Variants in CEP350 observed in about 807,000 individuals in gnomAD.
CEP350 encodes centrosomal protein 350, also known as centrosome-associated protein 350.
In CEP350, 126 loss-of-function variants were observed where a neutral mutation model predicts 331.8. That is an observed-to-expected ratio of 0.38 (90% confidence interval 0.33 to 0.44). The LOEUF (loss-of-function observed/expected upper bound fraction) is 0.44. CEP350 is among the 20% of genes least tolerant of loss of function. CEP350 has a pLI of 1.00. For synonymous variants in CEP350, 1,200 were observed against 1,259.5 expected (o/e 0.95, Z 1.00); for missense variants, 3,406 against 3,634.6 (o/e 0.94, Z 1.62).
At chr1:180,081,113 C>A (rs578131775) in intron 30 of CEP350, among the ~76,000 whole-genome samples, 14 of 152,214 alleles carry the variant, frequency 9.2e-5, no homozygotes, top group African/African-American at 3.4e-4. Context: ...GGTGATCCAC[C>A]CGTCTCGGCC....
intron 27 of CEP350, among the ~76,000 whole-genome samples, chr1:180,069,956 T>C (rs1483578737): frequency 1.3e-5 from 2 of 152,230 alleles, no homozygotes; most frequent in Non-Finnish European, 2.9e-5. Context: ...TAGCATTGCA[T>C]AAGGATTCAC....
At chr1:180,003,924 T>C (rs1380716339) in intron 7 of CEP350, among the ~76,000 whole-genome samples, 1 of 152,140 alleles carries the variant, frequency 6.6e-6, no homozygotes, top group Non-Finnish European at 1.5e-5. Context: ...CCCACTCTGA[T>C]TCTAAAGTGT....
chr1:180,001,217 C>G (rs1178675374), intron 6 of CEP350, among the ~76,000 whole-genome samples: 1 of 152,042 alleles, frequency 6.6e-6, no homozygotes, highest in Non-Finnish European at 1.5e-5. Context: ...TTGTTTTTGA[C>G]AAAACAAAGT....
chr1:180,089,854 C>T (rs965145027), intron 32 of CEP350, among the ~76,000 whole-genome samples: 8 of 152,050 alleles, frequency 5.3e-5, no homozygotes, highest in Non-Finnish European at 7.4e-5. Flanking sequence ...CATAAATCAC[C>T]CAGAGGAGAT....
In CEP350 at chr1:179,954,915, C is replaced by CG; in HGVS notation, c.-235dup. ...GAGAGAACTGCAGGGAGCCGCAGCT[C>CG]GGGGGGTGGCTTGCCCTGAGGGAGG... On this transcript the variant is annotated 5_prime_UTR_variant, in exon 1 of 38. Coordinates refer to ENST00000367607, the MANE Select transcript of CEP350 (RefSeq NM_014810.5). The CG allele has an allele frequency of 3.0e-6, 2 of 672,628 alleles. No homozygotes were observed. The allele number at this position is 672,628 out of a possible 1,614,324, so 41.7% of individuals were successfully genotyped here.
intron 22 of CEP350, among the ~76,000 whole-genome samples, chr1:180,051,797 T>C (rs1253796508): frequency 6.6e-6 from 1 of 152,216 alleles, no homozygotes; most frequent in Non-Finnish European, 1.5e-5. Flanking sequence ...ACTATTAATA[T>C]AAGCCTAATA....
intron 25 of CEP350, among the ~76,000 whole-genome samples, chr1:180,054,867 A>C (rs975372802): frequency 2.6e-5 from 4 of 152,208 alleles, no homozygotes; most frequent in Non-Finnish European, 4.4e-5. Context: ...ATGACATATT[A>C]ATTACATATT....
chr1:180,077,714 T>G (rs1300027207), intron 28 of CEP350, among the ~76,000 whole-genome samples: 2 of 149,770 alleles, frequency 1.3e-5, no homozygotes, highest in Admixed American at 1.3e-4. Context: ...GGAACATTAT[T>G]CCATATTCAC....
At chr1:180,032,902 CTG>C (rs1466094534) in intron 15 of CEP350, among the ~76,000 whole-genome samples, 1 of 151,918 alleles carries the variant, frequency 6.6e-6, no homozygotes, top group Non-Finnish European at 1.5e-5. Context: ...ATGAAATAGA[CTG>C]TTAGAAATAG....
chr1:179,987,129 G>A (rs1352464326), intron 2 of CEP350, 111 bp from the exon 3 acceptor site: 1 of 613,030 alleles, frequency 1.6e-6, no homozygotes, highest in Admixed American at 3.2e-5. Context: ...TGCCTAATAA[G>A]GTAGTTTTCA....
chr1:180,093,484 C>A lies in CEP350; in HGVS notation c.7379C>A (p.Ser2460Tyr), dbSNP rs867877495. 6.2e-7 allele frequency: 1 copy of A among 1,610,448 alleles called. No individual in the cohort carries two copies. Among genetic ancestry groups the A allele is most frequent in the Non-Finnish European group, 8.5e-7 (1 of 1,178,030 alleles). The stretch of plus-strand genomic sequence containing the variant: ...TCTGACAGGCTGTTGGAACTCAAGT[C>A]CCCTACTGAGCTGATGAAAAGTAAG... ...VHSDRLLELK[S>Y]PTELMKSKER... The change falls in exon 34 of 38, where the codon TCC becomes TAC. Residue 2460 changes from serine to tyrosine, a missense_variant. Physicochemically the swap from Ser to Tyr is moderately radical, Grantham distance 144. Transcript: ENST00000367607.
chr1:180,031,539 A>G (rs533322052), intron 15 of CEP350, 45 bp downstream of exon 15: 2 of 938,356 alleles, frequency 2.1e-6, no homozygotes, highest in East Asian at 3.3e-5. Flanking sequence ...TTAAAGATAT[A>G]TAATTGATAT....
At position 180,088,178 on chromosome 1, in the gene CEP350, C is replaced by T. The variant is rs191782128; in HGVS notation, c.6425+461C>T. Among the ~76,000 whole-genome samples, 172 of 152,138 alleles carry T rather than the reference C, an allele frequency of 1.1e-3. 1 individual carries two copies. Among genetic ancestry groups the T allele is most frequent in the African/African-American group, 4.0e-3 (166 of 41,522 alleles). ...CTTTATATTCATAAAACATTGGAAA[C>T]AATTTTTATGGCCAAAAATGGATGA... On this transcript the variant is annotated intron_variant, in intron 32 of 37. Coordinates refer to ENST00000367607, the MANE Select transcript of CEP350 (RefSeq NM_014810.5).
At chr1:180,074,493 T>G (rs912294287) in intron 27 of CEP350, among the ~76,000 whole-genome samples, 22 of 152,142 alleles carry the variant, frequency 1.4e-4, no homozygotes, top group African/African-American at 5.3e-4. Flanking sequence ...GAAACAAAAC[T>G]CATTAGACCT....
intron 31 of CEP350, among the ~76,000 whole-genome samples, chr1:180,084,449 C>T (rs1659740376): frequency 1.3e-5 from 2 of 152,282 alleles, no homozygotes; most frequent in Non-Finnish European, 2.9e-5. Context: ...ACTGCAAGAT[C>T]CGCCCCCTGG....
At chr1:179,988,643 T>A (rs1282523711) in intron 3 of CEP350, among the ~76,000 whole-genome samples, 1 of 152,108 alleles carries the variant, frequency 6.6e-6, no homozygotes, top group Non-Finnish European at 1.5e-5. Context: ...ATTTGGCAGG[T>A]GATGCATAGT....
chr1:180,039,120 GGGCGTGGT>G (rs1259698334), intron 17 of CEP350, among the ~76,000 whole-genome samples: 23 of 151,236 alleles, frequency 1.5e-4, no homozygotes, highest in Non-Finnish European at 3.1e-4. Context: ...GCGGCGGGTT[GGGCGTGGT>G]GGGGGGGTGG....
chr1:179,995,201 G>T (rs1387005882), intron 5 of CEP350, among the ~76,000 whole-genome samples: 3 of 152,064 alleles, frequency 2.0e-5, no homozygotes, highest in African/African-American at 7.2e-5. Context: ...CTGTTGTTAG[G>T]TCTGGTTTTA....
intron 15 of CEP350, among the ~76,000 whole-genome samples, chr1:180,033,624 C>G (rs1195181740): frequency 2.0e-5 from 3 of 152,108 alleles, no homozygotes; most frequent in Non-Finnish European, 4.4e-5. Context: ...TACTCCCTTT[C>G]CATTGTATTT....
Sources: allele counts gnomAD v4.1 joint callset (sites outside exome capture counted in the v4.1 genomes callset), GRCh38; gene constraint gnomAD v4.1.1; transcripts MANE v1.5; gene names NCBI Gene and HGNC (gene_info 2026-07-23, HGNC 2026-07-21).